FRAS1: variants seen among roughly 807,000 people sequenced by gnomAD.
FRAS1 encodes the protein Fraser extracellular matrix complex subunit 1.
A neutral mutation model predicts 435.2 loss-of-function variants in FRAS1; 290 were observed. The ratio of observed to expected loss-of-function variants is 0.67; its 90% CI spans 0.61 to 0.73. The LOEUF (loss-of-function observed/expected upper bound fraction) is 0.73. FRAS1 is among the 30% of genes least tolerant of loss of function. The pLI is 0.00. For missense variants in FRAS1, 4,860 were observed against 5,001.5 expected (o/e 0.97, Z 0.85); for synonymous variants, 1,800 against 1,851.0 (o/e 0.97, Z 0.71).
chr4:78,523,319 T>C (rs559950624), intron 69 of FRAS1, among the ~76,000 whole-genome samples: 4 of 152,250 alleles, frequency 2.6e-5, no homozygotes, highest in Admixed American at 2.6e-4. Flanking sequence ...AAAACCTTTA[T>C]TGAATAAAGA....
At chr4:78,476,266 A>G (rs1719850063) in intron 54 of FRAS1, among the ~76,000 whole-genome samples, 1 of 152,046 alleles carries the variant, frequency 6.6e-6, no homozygotes, top group South Asian at 2.1e-4. Context: ...ATGGGCAGGC[A>G]GTGCAGAGAG....
At chr4:78,496,738 A>G in intron 59 of FRAS1, 67 bp from the exon 60 acceptor site, 1 of 1,422,864 alleles carries the variant, frequency 7.0e-7, no homozygotes. Context: ...ATAGTTTTCT[A>G]GGAAAACCAA....
At chr4:78,368,020 A>G (rs1027257848) in intron 22 of FRAS1, among the ~76,000 whole-genome samples, 1 of 152,142 alleles carries the variant, frequency 6.6e-6, no homozygotes, top group Non-Finnish European at 1.5e-5. Context: ...TATGCTTTTC[A>G]ACCACCTTCA....
Position 78,153,105 on chromosome 4 carries a change from G to T in FRAS1, c.109-84405G>T, listed in dbSNP as rs1720738568. Among the ~76,000 whole-genome samples the T allele has an allele frequency of 1.3e-5, 2 of 152,170 alleles. 1 individual carries two copies. The highest frequency in any genetic ancestry group is 4.2e-4 in the South Asian group (2 of 4,806). ...ATTTTCTAGGCTCTTCCACACTGATGCTGCAATGATCTTCCTAACTTAAAG... is the reference window on the plus strand; with the variant it reads ...ATTTTCTAGGCTCTTCCACACTGATTCTGCAATGATCTTCCTAACTTAAAG... On this transcript the variant is annotated intron_variant, in intron 2 of 73. Coordinates refer to ENST00000512123, the MANE Select transcript of FRAS1 (RefSeq NM_025074.7).
At chr4:78,103,024 T>G (rs555249595) in intron 2 of FRAS1, among the ~76,000 whole-genome samples, 1 of 152,296 alleles carries the variant, frequency 6.6e-6, no homozygotes, top group South Asian at 2.1e-4. Context: ...CTCATTGCTT[T>G]CTAGTAAACT....
In FRAS1 at chr4:78,315,691, A is replaced by C; in HGVS notation, c.1776A>C (p.Glu592Asp). The change falls in exon 16 of 74, where the codon GAA (glutamate) becomes GAC (aspartate). Residue 592 changes from glutamate to aspartate, a missense_variant. Physicochemically the swap from Glu to Asp is conservative, Grantham distance 45 (BLOSUM62 2). Transcript: ENST00000512123. Reference protein sequence around the residue: ...TVLHDGKCMSECPGGYYADAT... With the variant: ...TVLHDGKCMSDCPGGYYADAT... ...TGCATGATGGGAAATGCATGTCTGA[A>C]TGCCCTGGCGGGTACTATGCTGATG... The C allele has an allele frequency of 6.2e-7, 1 of 1,614,012 alleles. No homozygotes were observed. Among genetic ancestry groups the C allele is most frequent in the Non-Finnish European group, 8.5e-7 (1 of 1,179,900 alleles).
intron 19 of FRAS1, among the ~76,000 whole-genome samples, chr4:78,336,018 A>G (rs1730158767): frequency 6.6e-6 from 1 of 151,962 alleles, no homozygotes; most frequent in South Asian, 2.1e-4. Flanking sequence ...AACTGATATG[A>G]AATTATATTA....
chr4:78,129,186 C>T (rs970312169), intron 2 of FRAS1, among the ~76,000 whole-genome samples: 13 of 152,250 alleles, frequency 8.5e-5, no homozygotes, highest in East Asian at 5.8e-4. Flanking sequence ...AGTCAGGTAG[C>T]GTGATGCCTC....
intron 23 of FRAS1, 67 bp from the exon 24 acceptor site, chr4:78,372,651 A>G (rs1731560375): frequency 6.3e-6 from 10 of 1,587,910 alleles, no homozygotes; most frequent in Middle Eastern, 2.2e-4. Flanking sequence ...CAGAGTCCTC[A>G]TAAATGAACT....
intron 29 of FRAS1, among the ~76,000 whole-genome samples, chr4:78,397,092 GT>G (rs34078635): frequency 6.6e-6 from 1 of 152,054 alleles, no homozygotes; most frequent in African/African-American, 2.4e-5. Context: ...GTGGTATCAT[GT>G]TTCTTAGTTT....
intron 14 of FRAS1, among the ~76,000 whole-genome samples, chr4:78,290,407 T>C (rs1398215081): frequency 1.3e-5 from 2 of 152,054 alleles, no homozygotes; most frequent in Non-Finnish European, 2.9e-5. Flanking sequence ...GCTTGGACCC[T>C]GGAGCTAAAC....
intron 2 of FRAS1, among the ~76,000 whole-genome samples, chr4:78,130,179 T>TG (rs1219096412): frequency 6.6e-6 from 1 of 152,178 alleles, no homozygotes; most frequent in Non-Finnish European, 1.5e-5. Context: ...GCTGGTTTTT[T>TG]TGTTTCTGTT....
Position 78,410,563 on chromosome 4 carries a change from C to G in FRAS1, c.4309-2406C>G, listed in dbSNP as rs144045450. Among the ~76,000 whole-genome samples, 540 of 152,168 alleles carry G rather than the reference C, an allele frequency of 3.5e-3. 3 individuals are homozygous for G. Among genetic ancestry groups the G allele is most frequent in the African/African-American group, 0.012 (505 of 41,524 alleles). ...TTTTGCTCAAAATGTGTTTAGAACT[C>G]CTGTGTGAAATTGCCTTCAAAGTGA... On this transcript the variant is annotated intron_variant, in intron 31 of 73. Transcript: ENST00000512123.
intron 2 of FRAS1, among the ~76,000 whole-genome samples, chr4:78,175,048 A>T (rs1721705234): frequency 6.6e-6 from 1 of 152,154 alleles, no homozygotes; most frequent in South Asian, 2.1e-4. Context: ...AGGCAGAAAG[A>T]TGAAGTGGGT....
At chr4:78,469,842 G>A in intron 50 of FRAS1, 136 bp from the exon 51 acceptor site, 2 of 691,740 alleles carry the variant, frequency 2.9e-6, no homozygotes, top group Non-Finnish European at 5.3e-6. Flanking sequence ...GATAAGGGAT[G>A]GGAACGGGCT....
chr4:78,210,345 A>C (rs1245968696), intron 2 of FRAS1, among the ~76,000 whole-genome samples: 5 of 152,202 alleles, frequency 3.3e-5, no homozygotes, highest in African/African-American at 9.7e-5. Flanking sequence ...ATCACCTTGC[A>C]TGTAAATTAG....
At chr4:78,089,502 A>G (rs1178394891) in intron 2 of FRAS1, among the ~76,000 whole-genome samples, 1 of 152,122 alleles carries the variant, frequency 6.6e-6, no homozygotes, top group Admixed American at 6.5e-5. Flanking sequence ...GGGCCTTTGT[A>G]TTTCCCTTGA....
intron 41 of FRAS1, among the ~76,000 whole-genome samples, chr4:78,444,614 T>C (rs1334752229): frequency 1.3e-5 from 2 of 152,198 alleles, no homozygotes; most frequent in Non-Finnish European, 2.9e-5. Context: ...TGGTCTCCTC[T>C]CTCTAGAATA....
intron 35 of FRAS1, among the ~76,000 whole-genome samples, chr4:78,428,135 T>C (rs1734064279): frequency 6.6e-6 from 1 of 152,166 alleles, no homozygotes; most frequent in Admixed American, 6.5e-5. Context: ...GCAATTCTGC[T>C]CTCGTATTTT....
Sources: allele counts gnomAD v4.1 joint callset (sites outside exome capture counted in the v4.1 genomes callset), GRCh38; gene constraint gnomAD v4.1.1; transcripts MANE v1.5; gene names NCBI Gene and HGNC (gene_info 2026-07-23, HGNC 2026-07-21).